Variants in CYP1A2 observed in about 807,000 individuals in gnomAD.
CYP1A2 encodes the protein cytochrome P450 1A2.
Under a neutral mutation model 34.7 loss-of-function variants are expected in CYP1A2, and 35 were observed. The ratio of observed to expected loss-of-function variants is 1.01; its 90% confidence interval spans 0.77 to 1.34. The LOEUF (loss-of-function observed/expected upper bound fraction) is 1.34. Ranked by LOEUF, CYP1A2 falls within the 40% of genes most tolerant of loss-of-function variation. The pLI, the probability that CYP1A2 is intolerant of heterozygous loss-of-function variation, is 0.00. For synonymous variants in CYP1A2, 288 were observed against 281.9 expected, an observed-to-expected ratio of 1.02 and a Z score of -0.22; for missense variants, 675 against 675.8, an observed-to-expected ratio of 1.00 and a Z score of 0.01.
intron 1 of CYP1A2, among the ~76,000 whole-genome samples, chr15:74,749,264 G>A (rs1425896839): frequency 6.6e-6 from 1 of 152,178 alleles, no homozygotes; most frequent in African/African-American, 2.4e-5. Context: ...ACCAGCCCTG[G>A]GACCTTGGCC....
At chr15:74,751,166 C>T (rs200115475) in intron 2 of CYP1A2, 23 bp from the exon 3 acceptor site, 40 of 1,612,790 alleles carry the variant, frequency 2.5e-5, no homozygotes, top group Non-Finnish European at 3.3e-5. Context: ...GCCAGAGGTG[C>T]CCCTAAGCTT....
chr15:74,749,722 C>T lies in CYP1A2; in HGVS notation c.-9-8C>T, dbSNP rs760603380. On this transcript the variant is annotated splice_region_variant and splice_polypyrimidine_tract_variant and intron_variant, in intron 1 of 6. Transcript: ENST00000343932. ...CCCTCAGCCTGGTCCCTCCTTTTTT[C>T]CCTGCAGTTGGTACAGATGGCATTG... 2.7e-5 allele frequency: 41 copies of T among 1,507,762 alleles called. No individual in the cohort carries two copies. The Middle Eastern group carries it at 5.4e-4, about 20-fold the overall frequency. The allele number at this position is 1,507,762 out of a possible 1,614,324, so 93.4% of individuals were successfully genotyped here.
intron 1 of CYP1A2, among the ~76,000 whole-genome samples, 187 bp downstream of exon 1, chr15:74,749,084 G>A (rs1297771769): frequency 2.0e-5 from 3 of 152,202 alleles, no homozygotes; most frequent in Non-Finnish European, 4.4e-5. Flanking sequence ...CATTTTTAAG[G>A]AGAGCGATGG....
rs775155122 is a variant in CYP1A2, at chr15:74,752,209, C to T, written c.1128C>T (p.Phe376=). ...TGGAGGCCTTCATCCTGGAGACCTT[C>T]CGACACTCCTCCTTCTTGCCCTTCA... The part of the protein sequence containing the change: ...PYLEAFILET[F]RHSSFLPFTI... Residue 376 remains phenylalanine (F), a synonymous_variant, in exon 5 of 7, where the codon TTC becomes TTT. Transcript: ENST00000343932. 2 of 1,614,082 alleles carry T rather than the reference C, an allele frequency of 1.2e-6. No individual in the cohort carries two copies. The highest frequency in any genetic ancestry group is 2.7e-5 in the African/African-American group (2 of 75,018).
In CYP1A2 at chr15:74,751,847, G is replaced by A. The variant is rs986797366; in HGVS notation, c.1035G>A (p.Lys345=). 6.2e-7 allele frequency: 1 copy of A among 1,613,956 alleles called. No individual in the cohort carries two copies. The highest frequency in any genetic ancestry group is 1.3e-5 in the African/African-American group (1 of 74,900). Residue 345 remains lysine (K), a synonymous_variant, in exon 4 of 7, where the codon AAG becomes AAA. Coordinates refer to ENST00000343932, the MANE Select transcript of CYP1A2 (RefSeq NM_000761.5). The part of the protein sequence containing the change: ...TKPEIQRKIQ[K]ELDTVIGRER... ...CTGAGATACAGAGGAAGATCCAGAA[G>A]GAGCTGGGTACATGGGGGCCCCCAA... is the stretch of plus-strand genomic sequence containing the variant.
In CYP1A2 at chr15:74,755,358, A is replaced by AC. The variant is rs922807959; in HGVS notation, c.*270_*271insC. The stretch of plus-strand genomic sequence containing the variant: ...AGAGCAAGACCCCATCTCAAAAAAA[A>AC]AAACAAACAAACAAAAAAAAAACCA... On this transcript the variant is annotated 3_prime_UTR_variant, in exon 7 of 7. Coordinates refer to ENST00000343932, the MANE Select transcript of CYP1A2 (RefSeq NM_000761.5). 3.0e-5 allele frequency: 9 copies of AC among 299,700 alleles called. No homozygotes were observed. The highest frequency in any genetic ancestry group is 5.2e-5 in the Admixed American group (1 of 19,248). 18.6% of individuals were successfully genotyped at this position (299,700 alleles called of 1,614,324 possible).
Position 74,749,988 on chromosome 15 carries a change from C to A in CYP1A2, c.250C>A (p.Pro84Thr), listed in dbSNP as rs766652315. The A allele has an allele frequency of 6.2e-7, 1 of 1,614,110 alleles. No homozygotes were observed. Among genetic ancestry groups the A allele is most frequent in the Non-Finnish European group, 8.5e-7 (1 of 1,180,026 alleles). ...DVLQIRIGSTPVLVLSRLDTI... is the reference protein window; with the variant it reads ...DVLQIRIGSTTVLVLSRLDTI... Reference sequence around the variant, plus strand: ...CCTGCAGATCCGCATTGGCTCCACGCCCGTGCTGGTGCTGAGCCGCCTGGA... The same window carrying A: ...CCTGCAGATCCGCATTGGCTCCACGACCGTGCTGGTGCTGAGCCGCCTGGA... The change falls in exon 2 of 7, where the codon CCC becomes ACC. Residue 84 changes from proline to threonine, a missense_variant. Physicochemically the swap from Pro to Thr is conservative, Grantham distance 38 (BLOSUM62 -1). Coordinates refer to ENST00000343932, the MANE Select transcript of CYP1A2 (RefSeq NM_000761.5).
Position 74,754,964 on chromosome 15 carries a change from T to C in CYP1A2, c.1427T>C (p.Leu476Pro). 6.2e-7 allele frequency: 1 copy of C among 1,614,272 alleles called. No individual in the cohort carries two copies. Among genetic ancestry groups the C allele is most frequent in the Non-Finnish European group, 8.5e-7 (1 of 1,180,056 alleles). The change falls in exon 7 of 7, where the codon CTA (leucine) becomes CCA (proline). Residue 476 changes from leucine to proline, a missense_variant. Transcript: ENST00000343932. ...ATCTTCCTCTTCCTGGCCATCCTGCTACAGCAACTGGAGTTCAGCGTGCCG... is the reference window on the plus strand; with the variant it reads ...ATCTTCCTCTTCCTGGCCATCCTGCCACAGCAACTGGAGTTCAGCGTGCCG... ...WEIFLFLAIL[L>P]QQLEFSVPPG...
chr15:74,753,456 C>T (rs1183485032), intron 6 of CYP1A2, among the ~76,000 whole-genome samples, 186 bp downstream of exon 6: 1 of 152,112 alleles, frequency 6.6e-6, no homozygotes, highest in Non-Finnish European at 1.5e-5. Context: ...GATGGCCAGG[C>T]GCAGTGGCTC....
Position 74,749,842 on chromosome 15 carries a change from T to G in CYP1A2, c.104T>G (p.Val35Gly), listed in dbSNP as rs1192297220. Residue 35 changes from valine to glycine, a missense_variant, in exon 2 of 7, where the codon GTC (valine) becomes GGC (glycine). Transcript: ENST00000343932. ...GTGCTCAAGGGTTTGAGGCCTCGGGTCCCCAAAGGCCTGAAAAGTCCACCA... is the reference window on the plus strand; with the variant it reads ...GTGCTCAAGGGTTTGAGGCCTCGGGGCCCCAAAGGCCTGAAAAGTCCACCA... The part of the protein sequence containing the change: ...FWVLKGLRPR[V>G]PKGLKSPPEP... The G allele has an allele frequency of 6.2e-7, 1 of 1,605,768 alleles. No individual in the cohort carries two copies. Among genetic ancestry groups the G allele is most frequent in the Non-Finnish European group, 8.5e-7 (1 of 1,174,158 alleles).
At position 74,756,249 on chromosome 15, in the gene CYP1A2, C is replaced by T. The variant is rs948384358; in HGVS notation, c.*1161C>T. ...TCTCCAGCCTCAGCCTCCCAAGTAG[C>T]TGAGACTACAGGCACACACCACCAC... On this transcript the variant is annotated 3_prime_UTR_variant, in exon 7 of 7. Coordinates refer to ENST00000343932, the MANE Select transcript of CYP1A2 (RefSeq NM_000761.5). The T allele has an allele frequency of 1.3e-5, 2 of 152,010 alleles. No homozygotes were observed. Among genetic ancestry groups the T allele is most frequent in the African/African-American group, 4.8e-5 (2 of 41,356 alleles). The allele number at this position is 152,010 out of a possible 1,614,324, so 9.4% of individuals were successfully genotyped here.
At position 74,754,989 on chromosome 15, in the gene CYP1A2, G is replaced by A. The variant is rs148212809; in HGVS notation, c.1452G>A (p.Pro484=). 3.4e-5 allele frequency: 55 copies of A among 1,614,102 alleles called. No individual in the cohort carries two copies. The highest frequency in any genetic ancestry group is 6.7e-5 in the Admixed American group (4 of 60,010). Residue 484 remains proline, a synonymous_variant, in exon 7 of 7, where the codon CCG becomes CCA. Transcript: ENST00000343932. ...TACAGCAACTGGAGTTCAGCGTGCC[G>A]CCGGGCGTGAAAGTCGACCTGACCC... ...ILLQQLEFSV[P]PGVKVDLTPI...
chr15:74,750,979 G>A (rs1055034493), intron 2 of CYP1A2, among the ~76,000 whole-genome samples: 1 of 152,284 alleles, frequency 6.6e-6, no homozygotes, highest in South Asian at 2.1e-4. Flanking sequence ...GTGTTATTGG[G>A]AGGAAGGGTC....
chr15:74,750,975 T>C (rs1002140840), intron 2 of CYP1A2, among the ~76,000 whole-genome samples: 6 of 152,146 alleles, frequency 3.9e-5, no homozygotes, highest in Admixed American at 3.3e-4. Flanking sequence ...CCTGGTGTTA[T>C]TGGGAGGAAG....
rs1403199346 is a variant in CYP1A2, at chr15:74,750,290, G to A, written c.552G>A (p.Gly184=). 1 of 1,614,230 alleles carries A rather than the reference G, an allele frequency of 6.2e-7. No individual in the cohort carries two copies. Among genetic ancestry groups the A allele is most frequent in the Admixed American group, 1.7e-5 (1 of 60,032 alleles). ...SRLQELMAGP[G]HFDPYNQVVV... is the part of the protein sequence containing the mutation. ...TGCAGGAGCTGATGGCAGGGCCTGG[G>A]CACTTCGACCCTTACAATCAGGTGG... The change falls in exon 2 of 7, where the codon GGG becomes GGA. Residue 184 remains glycine (G), a synonymous_variant. Transcript: ENST00000343932.
chr15:74,752,634 C>T lies in CYP1A2; in HGVS notation c.1166+387C>T, dbSNP rs746953846. ...CCCTTGCTCAAAGTCAATGCCGACA[C>T]GAGCTTCCTCTCCCCAGAAGCCTTT... On this transcript the variant is annotated intron_variant, in intron 5 of 6. Coordinates refer to ENST00000343932, the MANE Select transcript of CYP1A2 (RefSeq NM_000761.5). Among the ~76,000 whole-genome samples, 10 of 152,308 alleles carry T rather than the reference C, an allele frequency of 6.6e-5. No homozygotes were observed. In the East Asian group the frequency reaches 1.3e-3, roughly 21 times the overall value.
rs1567205259 is a variant in CYP1A2 at position 74,750,331 on chromosome 15, A to G, written c.593A>G (p.Asn198Ser). The change falls in exon 2 of 7, where the codon AAC becomes AGC. Residue 198 changes from asparagine to serine, a missense_variant. Asn to Ser is a conservative substitution (Grantham distance 46, BLOSUM62 1). Coordinates refer to ENST00000343932, the MANE Select transcript of CYP1A2 (RefSeq NM_000761.5). ...PYNQVVVSVA[N>S]VIGAMCFGQH... Reference sequence around the variant, plus strand: ...AATCAGGTGGTGGTGTCAGTGGCCAACGTCATTGGTGCCATGTGCTTCGGA... The same window carrying G: ...AATCAGGTGGTGGTGTCAGTGGCCAGCGTCATTGGTGCCATGTGCTTCGGA... 2 of 1,613,944 alleles carry G rather than the reference A, an allele frequency of 1.2e-6. No individual in the cohort carries two copies. The highest frequency in any genetic ancestry group is 1.7e-5 in the Admixed American group (1 of 60,008).
chr15:74,749,660 G>A (rs775537520), intron 1 of CYP1A2, 70 bp from the exon 2 acceptor site: 1 of 1,285,476 alleles, frequency 7.8e-7, no homozygotes, highest in Non-Finnish European at 1.1e-6. Context: ...TTTATCAAAT[G>A]ACTGAGGAAA....
In CYP1A2 at chr15:74,750,257, C is replaced by A. The variant is rs902380363; in HGVS notation, c.519C>A (p.Ile173=). The change falls in exon 2 of 7, where the codon ATC becomes ATA. Residue 173 remains isoleucine, a synonymous_variant. Transcript: ENST00000343932. ...EHVSKEAKAL[I]SRLQELMAGP... ...TGAGCAAGGAGGCTAAGGCCCTGAT[C>A]AGCAGGTTGCAGGAGCTGATGGCAG... The A allele has an allele frequency of 6.2e-7, 1 of 1,614,116 alleles. No individual in the cohort carries two copies. Among genetic ancestry groups the A allele is most frequent in the Admixed American group, 1.7e-5 (1 of 60,008 alleles).
Sources: allele counts gnomAD v4.1 joint callset (sites outside exome capture counted in the v4.1 genomes callset), GRCh38; gene constraint gnomAD v4.1.1; transcripts MANE v1.5; gene names NCBI Gene and HGNC (gene_info 2026-07-23, HGNC 2026-07-21).